Variants in ADAMTS14 observed in about 807,000 individuals in gnomAD.
The protein encoded by ADAMTS14 is ADAM metallopeptidase with thrombospondin type 1 motif 14, also known as A disintegrin and metalloproteinase with thrombospondin motifs 14.
Under a neutral mutation model 128.6 loss-of-function variants are expected in ADAMTS14, and 100 were observed. The observed-to-expected ratio is 0.78, with a 90% confidence interval of 0.66 to 0.92. The LOEUF is 0.92. ADAMTS14 is among the 40% of genes least tolerant of loss of function. ADAMTS14 has a pLI of 0.00. For missense variants in ADAMTS14, 1,562 were observed against 1,658.6 expected (o/e 0.94, Z 1.01); for synonymous variants, 665 against 653.8 (o/e 1.02, Z -0.26).
rs1841560210 is a variant in ADAMTS14 at position 70,729,509 on chromosome 10, T to C, written c.954+132T>C. 6.3e-6 allele frequency: 5 copies of C among 790,660 alleles called. No homozygotes were observed. The East Asian group carries it at 1.3e-4, about 21-fold the overall frequency. 49.0% of individuals were successfully genotyped at this position (790,660 alleles called of 1,614,324 possible). A position where few individuals can be genotyped will look rare whatever the true frequency, so the allele number is the denominator to read the frequency against. ...TTTCCAGAATCAGAACTTGAGGCTATTAGAATTGTGGCTTCAGTGATGGAG... is the reference window on the plus strand; with the variant it reads ...TTTCCAGAATCAGAACTTGAGGCTACTAGAATTGTGGCTTCAGTGATGGAG... On this transcript the variant is annotated intron_variant, in intron 5 of 21. Transcript: ENST00000373207.
At chr10:70,731,854 G>GATC (rs1475173570) in intron 6 of ADAMTS14, among the ~76,000 whole-genome samples, 1 of 152,180 alleles carries the variant, frequency 6.6e-6, no homozygotes, top group African/African-American at 2.4e-5. Flanking sequence ...GGTAGGCTCG[G>GATC]ATCTGAGTCT....
intron 2 of ADAMTS14, among the ~76,000 whole-genome samples, chr10:70,692,570 T>C (rs1840222886): frequency 6.6e-6 from 1 of 152,238 alleles, no homozygotes; most frequent in Admixed American, 6.5e-5. Context: ...GTTGATTCTG[T>C]GTTCATTGTG....
intron 10 of ADAMTS14, among the ~76,000 whole-genome samples, chr10:70,737,188 C>T (rs1219866133): frequency 6.6e-6 from 1 of 152,152 alleles, no homozygotes; most frequent in Non-Finnish European, 1.5e-5. Context: ...GTGTGTCCTG[C>T]CTACTCCCCC....
chr10:70,688,084 G>A (rs1159418730), intron 2 of ADAMTS14, among the ~76,000 whole-genome samples: 42 of 40,694 alleles, frequency 1.0e-3, no homozygotes, highest in Non-Finnish European at 1.5e-3. Context: ...GGCAGCTGCC[G>A]GGCGGAGGGG....
rs1290063487 is a variant in ADAMTS14 at position 70,749,875 on chromosome 10, G to A, written c.2317G>A (p.Ala773Thr). The stretch of plus-strand genomic sequence containing the variant: ...CATCCTCAACCCCAAGGGCAAGGAA[G>A]CCACAAGCCGGACCTTCACCGCCAT... ...SFILNPKGKE[A>T]TSRTFTAMGL... Residue 773 changes from alanine (A) to threonine (T), a missense_variant, in exon 16 of 22, where the codon GCC becomes ACC. Coordinates refer to ENST00000373207, the MANE Select transcript of ADAMTS14 (RefSeq NM_080722.4). The A allele has an allele frequency of 1.1e-5, 18 of 1,613,958 alleles. No homozygotes were observed. Among genetic ancestry groups the A allele is most frequent in the Non-Finnish European group, 1.5e-5 (18 of 1,180,020 alleles).
At chr10:70,708,048 G>A (rs1318767010) in intron 3 of ADAMTS14, among the ~76,000 whole-genome samples, 1 of 152,236 alleles carries the variant, frequency 6.6e-6, no homozygotes, top group Non-Finnish European at 1.5e-5. Flanking sequence ...AAAGGGCAGA[G>A]CAGCGATGGT....
intron 2 of ADAMTS14, among the ~76,000 whole-genome samples, chr10:70,701,051 C>T (rs1840478765): frequency 2.0e-5 from 3 of 152,212 alleles, no homozygotes; most frequent in Admixed American, 2.0e-4. Context: ...TTATGAAGCA[C>T]AGAAGGCAAC....
At position 70,758,211 on chromosome 10, in the gene ADAMTS14, G is replaced by A. The variant is rs1404286870; in HGVS notation, c.3104G>A (p.Trp1035Ter). The A allele has an allele frequency of 6.2e-7, 1 of 1,614,102 alleles. No homozygotes were observed. Among genetic ancestry groups the A allele is most frequent in the African/African-American group, 1.3e-5 (1 of 74,930 alleles). Residue 1035 changes from tryptophan (W) to a stop codon, truncating the protein, a stop_gained, in exon 21 of 22, where the codon TGG (tryptophan) becomes TAG (stop). Transcript: ENST00000373207. LOFTEE classifies it high-confidence loss of function. Reference sequence around the variant, plus strand: ...AACTCCACGGTGAGGGCCGATGTCTGGGAACTTGGGACGCCAGAGGGGCAG... The same window carrying A: ...AACTCCACGGTGAGGGCCGATGTCTAGGAACTTGGGACGCCAGAGGGGCAG... The part of the protein sequence containing the change: ...HQNSTVRADV[W>*]ELGTPEGQWV...
Position 70,752,192 on chromosome 10 carries a change from C to A in ADAMTS14, c.2694C>A (p.Arg898=), listed in dbSNP as rs781224303. Reference sequence around the variant, plus strand: ...ACAAGAAGAGGCCCAAGCCCATCCGCCGGCGCTGCAACCAGCACCCGTGCT... The same window carrying A: ...ACAAGAAGAGGCCCAAGCCCATCCGACGGCGCTGCAACCAGCACCCGTGCT... ...CDHKKRPKPI[R]RRCNQHPCSQ... Residue 898 remains arginine (R), a synonymous_variant, in exon 18 of 22, where the codon CGC becomes CGA. Coordinates refer to ENST00000373207, the MANE Select transcript of ADAMTS14 (RefSeq NM_080722.4). The A allele has an allele frequency of 1.2e-6, 2 of 1,613,798 alleles. No individual in the cohort carries two copies. The highest frequency in any genetic ancestry group is 1.3e-5 in the African/African-American group (1 of 75,070).
At chr10:70,730,271 C>G in intron 6 of ADAMTS14, 22 bp downstream of exon 6, 1 of 1,608,664 alleles carries the variant, frequency 6.2e-7, no homozygotes, top group Non-Finnish European at 8.5e-7. Context: ...ACTGTATTTG[C>G]CATGGCCAGG....
At chr10:70,759,123 A>G (rs1842546195) in intron 21 of ADAMTS14, among the ~76,000 whole-genome samples, 2 of 149,380 alleles carry the variant, frequency 1.3e-5, no homozygotes, top group African/African-American at 2.5e-5. Flanking sequence ...TCTACCTCCA[A>G]TCTTCTACTT....
intron 8 of ADAMTS14, 86 bp downstream of exon 8, chr10:70,734,114 C>T (rs1841744718): frequency 2.0e-6 from 3 of 1,532,704 alleles, no homozygotes; most frequent in Admixed American, 3.6e-5. Context: ...GCTGGCTTCC[C>T]CACGTTGCCC....
chr10:70,710,272 G>T (rs1355277035), intron 4 of ADAMTS14, among the ~76,000 whole-genome samples: 1 of 152,218 alleles, frequency 6.6e-6, no homozygotes, highest in African/African-American at 2.4e-5. Context: ...CAGGTTAATG[G>T]CTCATCATAA....
intron 2 of ADAMTS14, among the ~76,000 whole-genome samples, chr10:70,688,157 G>A (rs936067055): frequency 5.9e-5 from 3 of 50,808 alleles, no homozygotes; most frequent in Non-Finnish European, 4.0e-5. Context: ...CAGATGGGGC[G>A]GCCGGGCAGA....
chr10:70,708,539 C>A, intron 3 of ADAMTS14, 49 bp from the exon 4 acceptor site: 1 of 1,525,330 alleles, frequency 6.6e-7, no homozygotes, highest in Middle Eastern at 2.0e-4. Context: ...GTCACAGTGA[C>A]AGCCCCTCCT....
At chr10:70,701,061 C>G (rs1024446242) in intron 2 of ADAMTS14, among the ~76,000 whole-genome samples, 1 of 152,202 alleles carries the variant, frequency 6.6e-6, no homozygotes, top group Non-Finnish European at 1.5e-5. Context: ...CAGAAGGCAA[C>G]CATCTTGGTT....
chr10:70,676,116 T>C (rs915157), intron 2 of ADAMTS14, among the ~76,000 whole-genome samples: 106,454 of 151,616 alleles, frequency 0.7, 37,722 homozygotes, highest in African/African-American at 0.79. Context: ...ATCATCAGTC[T>C]ACCCCACGAT....
chr10:70,736,762 C>T lies in ADAMTS14; in HGVS notation c.1568C>T (p.Pro523Leu), dbSNP rs137998608. The change falls in exon 10 of 22, where the codon CCG becomes CTG. Residue 523 changes from proline (P) to leucine (L), a missense_variant. By Grantham distance (98) the Pro-to-Leu change is moderately conservative. Transcript: ENST00000373207. ...TTCTGCAAGACCAAGAAGGGGCCCC[C>T]GCTGGATGGGACTGAGTGTGCACCC... ...PYFCKTKKGPPLDGTECAPGK... is the reference protein window; with the variant it reads ...PYFCKTKKGPLLDGTECAPGK... 21 of 1,613,668 alleles carry T rather than the reference C, an allele frequency of 1.3e-5. No individual in the cohort carries two copies. Among genetic ancestry groups the T allele is most frequent in the Middle Eastern group, 1.6e-4 (1 of 6,078 alleles).
intron 14 of ADAMTS14, among the ~76,000 whole-genome samples, chr10:70,744,677 A>C (rs1267074216): frequency 6.6e-6 from 1 of 152,182 alleles, no homozygotes; most frequent in African/African-American, 2.4e-5. Context: ...AAAGAACCAG[A>C]TATCAGTCCT....
Sources: allele counts gnomAD v4.1 joint callset (sites outside exome capture counted in the v4.1 genomes callset), GRCh38; gene constraint gnomAD v4.1.1; transcripts MANE v1.5; gene names NCBI Gene and HGNC (gene_info 2026-07-23, HGNC 2026-07-21).